JADE3: variants seen among roughly 807,000 people sequenced by gnomAD.
The protein encoded by JADE3 is jade family PHD finger 3.
A neutral mutation model predicts 50.1 loss-of-function variants in JADE3; 2 were observed. The observed-to-expected ratio is 0.04, with a 90% CI of 0.02 to 0.13. The LOEUF is 0.13. Ranked by LOEUF, JADE3 falls within the 10% of genes least tolerant of loss-of-function variation. JADE3 has a pLI of 1.00. For synonymous variants in JADE3, 218 were observed against 232.9 expected (o/e 0.94, Z 0.58); for missense variants, 475 against 634.4 (o/e 0.75, Z 2.70).
chrX:46,912,778 G>A (rs1268219055), intron 1 of JADE3, 59 bp downstream of exon 1: 1 of 112,178 alleles, frequency 8.9e-6, no homozygotes, highest in Admixed American at 9.3e-5. Context: ...GCACCGGCTG[G>A]GCGGCGGGAG....
At chrX:46,922,921 G>A (rs1253344373) in intron 1 of JADE3, among the ~76,000 whole-genome samples, 1 of 111,856 alleles carries the variant, frequency 8.9e-6, no homozygotes, top group African/African-American at 3.2e-5. Flanking sequence ...ATGGGCAGGA[G>A]ATGCTTAGGT....
chrX:47,017,542 GTA>G (rs1228352946), intron 4 of JADE3, among the ~76,000 whole-genome samples: 1 of 111,830 alleles, frequency 8.9e-6, no homozygotes, highest in East Asian at 2.8e-4. Flanking sequence ...GTGCATGTGT[GTA>G]TGTTTTTAAA....
At chrX:47,019,939 T>G (rs782290744) in intron 4 of JADE3, among the ~76,000 whole-genome samples, 2 of 112,459 alleles carry the variant, frequency 1.8e-5, no homozygotes, top group Non-Finnish European at 3.8e-5. Flanking sequence ...CATGCAAGCA[T>G]CCAAATTGAA....
Position 46,984,902 on chromosome X carries a change from G to T in JADE3, c.8G>T (p.Arg3Leu). 8.3e-7 allele frequency: 1 copy of T among 1,209,096 alleles called. No homozygotes were observed. ...TTCCCAGGATGCTCCAGGATGAAACGCCATAGGCCTGTCAGCAGCAGTGAC... is the reference window on the plus strand; with the variant it reads ...TTCCCAGGATGCTCCAGGATGAAACTCCATAGGCCTGTCAGCAGCAGTGAC... Reference protein sequence around the residue: MKRHRPVSSSDSS... With the variant: MKLHRPVSSSDSS... The change falls in exon 2 of 11, where the codon CGC (arginine) becomes CTC (leucine). Residue 3 changes from arginine (R) to leucine (L), a missense_variant. Transcript: ENST00000614628.
intron 1 of JADE3, among the ~76,000 whole-genome samples, chrX:46,933,832 AG>A (rs1174678989): frequency 9.0e-6 from 1 of 111,464 alleles, no homozygotes; most frequent in Non-Finnish European, 1.9e-5. Flanking sequence ...CCCAGGATGT[AG>A]AAAGCTGGAA....
chrX:46,934,242 T>G (rs1228605856), intron 1 of JADE3, among the ~76,000 whole-genome samples: 1 of 110,756 alleles, frequency 9.0e-6, no homozygotes, highest in African/African-American at 3.3e-5. Context: ...TTCAAGCAAT[T>G]CTCATGCCTC....
chrX:46,993,223 C>T (rs1353712320), intron 3 of JADE3, among the ~76,000 whole-genome samples: 7 of 111,777 alleles, frequency 6.3e-5, no homozygotes, highest in Non-Finnish European at 1.3e-4. Flanking sequence ...CCTGGAGTCT[C>T]ATTATTATCC....
At chrX:46,934,810 T>A (rs1292258318) in intron 1 of JADE3, among the ~76,000 whole-genome samples, 2 of 112,270 alleles carry the variant, frequency 1.8e-5, no homozygotes, top group African/African-American at 6.5e-5. Context: ...TGAGTTAATC[T>A]TTGTAAATGG....
At chrX:46,952,402 C>G (rs1367252145) in intron 1 of JADE3, among the ~76,000 whole-genome samples, 1 of 111,947 alleles carries the variant, frequency 8.9e-6, no homozygotes, top group Non-Finnish European at 1.9e-5. Context: ...TCACCTCTGT[C>G]GTGTGTGTGC....
At chrX:46,913,460 C>T (rs1465388184) in intron 1 of JADE3, among the ~76,000 whole-genome samples, 2 of 111,593 alleles carry the variant, frequency 1.8e-5, no homozygotes, top group Non-Finnish European at 3.8e-5. Flanking sequence ...GCTAGTCTTC[C>T]GGGGAAATTT....
At chrX:46,999,224 A>G (rs1387449565) in intron 4 of JADE3, among the ~76,000 whole-genome samples, 1 of 109,145 alleles carries the variant, frequency 9.2e-6, no homozygotes, top group Non-Finnish European at 1.9e-5. Flanking sequence ...ACTCATTCCC[A>G]CAAGAACTAA....
intron 1 of JADE3, among the ~76,000 whole-genome samples, chrX:46,974,652 A>G (rs1927572852): frequency 8.9e-6 from 1 of 112,476 alleles, no homozygotes; most frequent in African/African-American, 3.2e-5. Flanking sequence ...GAACTTGTTT[A>G]CATTTTCATT....
At chrX:46,949,152 T>C (rs1926948463) in intron 1 of JADE3, among the ~76,000 whole-genome samples, 1 of 110,475 alleles carries the variant, frequency 9.1e-6, no homozygotes, top group African/African-American at 3.3e-5. Flanking sequence ...TTGCCCAGGC[T>C]GGTCTCAAAC....
chrX:46,926,587 C>T (rs1429035957), intron 1 of JADE3, among the ~76,000 whole-genome samples: 1 of 111,994 alleles, frequency 8.9e-6, no homozygotes, highest in East Asian at 2.8e-4. Context: ...TCAGTGCAAC[C>T]ACCACCACAA....
intron 1 of JADE3, among the ~76,000 whole-genome samples, chrX:46,952,600 C>T (rs1602382355): frequency 8.9e-6 from 1 of 112,310 alleles, no homozygotes; most frequent in East Asian, 2.8e-4. Flanking sequence ...TTCTACTTTT[C>T]CAGGGCTTTC....
At position 46,985,804 on chromosome X, in the gene JADE3, T is replaced by G; in HGVS notation, c.126+12T>G. The G allele has an allele frequency of 9.0e-7, 1 of 1,115,127 alleles. No individual in the cohort carries two copies. Among genetic ancestry groups the G allele is most frequent in the Non-Finnish European group, 1.2e-6 (1 of 809,805 alleles). 91.9% of individuals were successfully genotyped at this position (1,115,127 alleles called of 1,213,427 possible). A position where few individuals can be genotyped will look rare whatever the true frequency, so the allele number is the denominator to read the frequency against. On this transcript the variant is annotated intron_variant, in intron 3 of 10. Transcript: ENST00000614628. ...AGAAACCTGCTGAGGTGAGATCGTA[T>G]TCTCAATTTTTAGACTTAAGCTATA...
intron 1 of JADE3, among the ~76,000 whole-genome samples, chrX:46,973,837 T>C (rs1432045295): frequency 8.9e-6 from 1 of 112,092 alleles, no homozygotes; most frequent in Non-Finnish European, 1.9e-5. Context: ...TCCCAGCACT[T>C]TGGGAGGCCG....
chrX:47,044,254 G>A (rs1344489700), intron 8 of JADE3, among the ~76,000 whole-genome samples: 2 of 111,534 alleles, frequency 1.8e-5, no homozygotes, highest in African/African-American at 6.5e-5. Flanking sequence ...CAAAGGTCAA[G>A]GATAAAGAAA....
chrX:46,971,577 C>T (rs1436161095), intron 1 of JADE3, among the ~76,000 whole-genome samples: 1 of 106,869 alleles, frequency 9.4e-6, no homozygotes, highest in African/African-American at 3.4e-5. Flanking sequence ...GGGCAGATCA[C>T]GAGGTCAGGA....
Sources: gnomAD v4.1 joint callset for allele counts (sites outside exome capture counted in the v4.1 genomes callset) on GRCh38, gnomAD v4.1.1 for gene constraint, MANE v1.5 for transcripts, NCBI Gene and HGNC (gene_info 2026-07-23, HGNC 2026-07-21) for gene names.